Variants in DSCAM observed in about 807,000 individuals in gnomAD.
DSCAM encodes cell adhesion molecule DSCAM.
A neutral mutation model predicts 217.7 loss-of-function variants in DSCAM; 47 were observed. That is an observed-to-expected ratio of 0.22 (90% CI 0.17 to 0.28). The LOEUF is 0.28. Ranked by LOEUF, DSCAM falls within the 10% of genes least tolerant of loss-of-function variation. The pLI is 1.00. For synonymous variants in DSCAM, 1,056 were observed against 1,015.3 expected, an observed-to-expected ratio of 1.04 and a Z score of -0.76; for missense variants, 2,080 against 2,618.3, an observed-to-expected ratio of 0.79 and a Z score of 4.49.
At chr21:40,561,134 G>A (rs2089196444) in intron 3 of DSCAM, among the ~76,000 whole-genome samples, 1 of 152,162 alleles carries the variant, frequency 6.6e-6, no homozygotes, top group Non-Finnish European at 1.5e-5. Context: ...AGTGTATTTG[G>A]TAAGAGCATA....
At chr21:40,185,918 A>C (rs1210270013) in intron 14 of DSCAM, among the ~76,000 whole-genome samples, 1 of 152,116 alleles carries the variant, frequency 6.6e-6, no homozygotes, top group African/African-American at 2.4e-5. Context: ...CTTGCAGTCC[A>C]ATCAACCCCG....
intron 2 of DSCAM, among the ~76,000 whole-genome samples, chr21:40,707,487 G>T (rs568350595): frequency 6.6e-6 from 1 of 152,244 alleles, no homozygotes; most frequent in Non-Finnish European, 1.5e-5. Context: ...AATGTTTGAT[G>T]GCTTACATCA....
chr21:40,239,726 C>G (rs947708297), intron 11 of DSCAM, among the ~76,000 whole-genome samples: 2 of 152,188 alleles, frequency 1.3e-5, no homozygotes, highest in Non-Finnish European at 2.9e-5. Flanking sequence ...TAGGTTACAG[C>G]AGTAGAAACT....
At position 40,320,183 on chromosome 21, in the gene DSCAM, C is replaced by A. The variant is rs937078395; in HGVS notation, c.1784-7824G>T. 2.6e-5 allele frequency among the ~76,000 whole-genome samples: 4 copies of A among 152,084 alleles called. No homozygotes were observed. In the South Asian group the frequency reaches 8.3e-4, roughly 32 times the overall value. On this transcript the variant is annotated intron_variant, in intron 8 of 32. Coordinates refer to ENST00000400454, the MANE Select transcript of DSCAM (RefSeq NM_001389.5). ...CAAACTTGTACATCCTGCACATGTA[C>A]CTTGGAACTTAAAATTAAATGAAAT...
At chr21:40,275,732 G>C (rs1298942290) in intron 11 of DSCAM, among the ~76,000 whole-genome samples, 1 of 152,168 alleles carries the variant, frequency 6.6e-6, no homozygotes, top group South Asian at 2.1e-4. Context: ...CTGAGACCAT[G>C]TATTGAGTTT....
At chr21:40,064,692 C>A (rs1037901748) in intron 27 of DSCAM, among the ~76,000 whole-genome samples, 11 of 152,152 alleles carry the variant, frequency 7.2e-5, no homozygotes, top group African/African-American at 2.7e-4. Context: ...GTGCTCCATG[C>A]AGAGAATTCA....
At position 40,708,697 on chromosome 21, in the gene DSCAM, T is replaced by C; in HGVS notation, c.118A>G (p.Thr40Ala). The change falls in exon 2 of 33, where the codon ACG (threonine) becomes GCG (alanine). Residue 40 changes from threonine to alanine, a missense_variant. By Grantham distance (58) the Thr-to-Ala change is moderately conservative (BLOSUM62 0). This residue lies in a region of DSCAM where 568 missense variants were observed against 678.1 expected (regional missense o/e 0.84). Coordinates refer to ENST00000400454, the MANE Select transcript of DSCAM (RefSeq NM_001389.5). ...SLQEVVFAST[T>A]GTLVPCPAAG... ...GCGGGGCAGGGCACCAGAGTCCCCG[T>C]GGTGCTGGCAAACACTACCTCTTGC... The C allele has an allele frequency of 6.2e-7, 1 of 1,611,962 alleles. No homozygotes were observed. The highest frequency in any genetic ancestry group is 1.1e-5 in the South Asian group (1 of 90,276).
At chr21:40,534,860 A>T (rs1456244313) in intron 3 of DSCAM, among the ~76,000 whole-genome samples, 1 of 152,190 alleles carries the variant, frequency 6.6e-6, no homozygotes, top group African/African-American at 2.4e-5. Flanking sequence ...ACATCAAATC[A>T]TGGGCGGTTG....
At chr21:40,754,767 C>A (rs377658820) in intron 1 of DSCAM, among the ~76,000 whole-genome samples, 47 of 152,344 alleles carry the variant, frequency 3.1e-4, no homozygotes, top group Middle Eastern at 3.4e-3. Flanking sequence ...CACCACCGCT[C>A]ATTTTTGTTT....
At chr21:40,741,365 T>A (rs1030307433) in intron 1 of DSCAM, among the ~76,000 whole-genome samples, 12 of 152,306 alleles carry the variant, frequency 7.9e-5, no homozygotes, top group South Asian at 2.1e-4. Flanking sequence ...ATAAAACATG[T>A]GAATGCACAT....
At chr21:40,531,775 T>C (rs1322802617) in intron 3 of DSCAM, among the ~76,000 whole-genome samples, 1 of 152,172 alleles carries the variant, frequency 6.6e-6, no homozygotes. Flanking sequence ...CCCCATTCCT[T>C]TCCTTCTTTT....
chr21:40,420,007 A>G (rs1246814140), intron 3 of DSCAM, among the ~76,000 whole-genome samples: 1 of 152,182 alleles, frequency 6.6e-6, no homozygotes, highest in Non-Finnish European at 1.5e-5. Flanking sequence ...CATTAGAGAA[A>G]AAGTGGTTAT....
intron 3 of DSCAM, among the ~76,000 whole-genome samples, chr21:40,657,647 A>T (rs1396845040): frequency 1.7e-4 from 26 of 152,228 alleles, no homozygotes; most frequent in Admixed American, 1.6e-3. Context: ...ACAGGCAGAA[A>T]GAAATCTTCC....
At chr21:40,066,275 G>A (rs577763719) in intron 27 of DSCAM, among the ~76,000 whole-genome samples, 3 of 152,352 alleles carry the variant, frequency 2.0e-5, no homozygotes, top group South Asian at 4.1e-4. Context: ...ACATTTAATT[G>A]TGAGAGACAT....
At chr21:40,083,227 G>A (rs778973969) in intron 24 of DSCAM, among the ~76,000 whole-genome samples, 6 of 152,300 alleles carry the variant, frequency 3.9e-5, no homozygotes, top group East Asian at 1.9e-4. Context: ...TCAGAAGTTC[G>A]AGACCAGCCT....
intron 10 of DSCAM, among the ~76,000 whole-genome samples, chr21:40,288,627 C>T (rs1458952684): frequency 6.6e-6 from 1 of 152,198 alleles, no homozygotes; most frequent in Non-Finnish European, 1.5e-5. Context: ...ACATTTTCCC[C>T]TTAGACAATA....
chr21:40,143,669 C>T (rs887077134), intron 17 of DSCAM, among the ~76,000 whole-genome samples: 7 of 152,058 alleles, frequency 4.6e-5, no homozygotes, highest in Admixed American at 6.6e-5. Context: ...CGGGTGCCTG[C>T]AGTCCCAGCT....
At chr21:40,607,995 AG>A (rs1474894870) in intron 3 of DSCAM, among the ~76,000 whole-genome samples, 2 of 151,914 alleles carry the variant, frequency 1.3e-5, no homozygotes, top group African/African-American at 4.8e-5. Flanking sequence ...TGAGTGAGGA[AG>A]GGGGGAGTTT....
At chr21:40,180,460 A>G (rs1392947901) in intron 14 of DSCAM, among the ~76,000 whole-genome samples, 4 of 152,188 alleles carry the variant, frequency 2.6e-5, no homozygotes, top group Admixed American at 2.0e-4. Context: ...TGAAATACAA[A>G]GAGTTGGAAA....
Sources: allele counts gnomAD v4.1 joint callset (sites outside exome capture counted in the v4.1 genomes callset), GRCh38; gene constraint gnomAD v4.1.1; regional missense constraint gnomAD v4.1.1; transcripts MANE v1.5; gene names NCBI Gene and HGNC (gene_info 2026-07-23, HGNC 2026-07-21).